The following EYS variants were observed in gnomAD, a reference collection of about 807,000 sequenced individuals.
The protein encoded by EYS is protein eyes shut homolog.
EYS carries 250 observed loss-of-function variants against 282.1 expected under a neutral mutation model. That is an observed-to-expected ratio of 0.89 (90% confidence interval 0.80 to 0.98). The LOEUF is 0.98. Ranked by LOEUF, EYS falls within the 50% of genes least tolerant of loss-of-function variation. The pLI is 0.00. For synonymous variants in EYS, 1,355 were observed against 1,282.9 expected, an observed-to-expected ratio of 1.06 and a Z score of -1.20; for missense variants, 4,016 against 3,709.0, an observed-to-expected ratio of 1.08 and a Z score of -2.15.
chr6:64,612,522 GTACTT>G (rs1179339280), intron 24 of EYS, among the ~76,000 whole-genome samples: 2 of 151,948 alleles, frequency 1.3e-5, no homozygotes, highest in Non-Finnish European at 2.9e-5. Flanking sequence ...AATGATGTAA[GTACTT>G]TAATCTTGTT....
chr6:64,766,645 A>C lies in EYS; in HGVS notation c.3443+46733T>G, dbSNP rs201916106. On this transcript the variant is annotated intron_variant, in intron 22 of 42. Coordinates refer to ENST00000503581, the MANE Select transcript of EYS (RefSeq NM_001142800.2). The stretch of plus-strand genomic sequence containing the variant: ...AAACTCCGTCTCAAAAAAAAAAAAA[A>C]AAAAATATATATATATATATATATA... Among the ~76,000 whole-genome samples the C allele has an allele frequency of 4.2e-3, 154 of 37,082 alleles. 11 individuals carry two copies. Among genetic ancestry groups the C allele is most frequent in the Middle Eastern group, 0.033 (1 of 30 alleles). 24.3% of individuals were successfully genotyped at this position (37,082 alleles called of 152,430 possible). A position where few individuals can be genotyped will look rare whatever the true frequency, so the allele number is the denominator to read the frequency against.
At chr6:65,510,046 G>C (rs939403623) in intron 2 of EYS, among the ~76,000 whole-genome samples, 2 of 149,974 alleles carry the variant, frequency 1.3e-5, no homozygotes, top group Non-Finnish European at 3.0e-5. Context: ...TATACTTTAA[G>C]TTTTAGGGTA....
intron 26 of EYS, among the ~76,000 whole-genome samples, chr6:64,537,253 C>T (rs541930512): frequency 1.8e-3 from 243 of 137,826 alleles, no homozygotes; most frequent in Middle Eastern, 3.8e-3. Context: ...TGAGAATATG[C>T]GGTGTTTGGT....
intron 12 of EYS, among the ~76,000 whole-genome samples, chr6:65,219,454 G>A (rs1766404360): frequency 6.6e-6 from 1 of 152,080 alleles, no homozygotes; most frequent in South Asian, 2.1e-4. Flanking sequence ...TGGAGTATTA[G>A]CAGCTGAAAA....
intron 31 of EYS, among the ~76,000 whole-genome samples, chr6:64,122,673 G>T (rs1308150237): frequency 1.3e-5 from 2 of 152,020 alleles, no homozygotes; most frequent in Non-Finnish European, 2.9e-5. Flanking sequence ...TTAAAAAAAT[G>T]AAATAATATT....
intron 35 of EYS, among the ~76,000 whole-genome samples, chr6:63,926,436 C>T (rs1221243162): frequency 6.6e-6 from 1 of 152,188 alleles, no homozygotes; most frequent in African/African-American, 2.4e-5. Flanking sequence ...CCACTTGGGA[C>T]TTTTACAGTG....
chr6:64,929,014 T>C (rs1225538845), intron 15 of EYS, among the ~76,000 whole-genome samples: 1 of 152,180 alleles, frequency 6.6e-6, no homozygotes, highest in African/African-American at 2.4e-5. Context: ...GGTTGAATTG[T>C]ATCTCCCCAA....
chr6:65,543,486 T>C (rs943784151), intron 2 of EYS, among the ~76,000 whole-genome samples: 1 of 148,010 alleles, frequency 6.8e-6, no homozygotes, highest in Non-Finnish European at 1.5e-5. Flanking sequence ...TGTATATATC[T>C]ATATATATAT....
chr6:64,785,586 A>G (rs942327428), intron 22 of EYS, among the ~76,000 whole-genome samples: 1 of 152,290 alleles, frequency 6.6e-6, no homozygotes, highest in Non-Finnish European at 1.5e-5. Flanking sequence ...ATCCAAAGAG[A>G]TTGTTCTTAG....
chr6:64,322,330 A>T (rs1770244830), intron 29 of EYS, among the ~76,000 whole-genome samples: 1 of 152,082 alleles, frequency 6.6e-6, no homozygotes, highest in South Asian at 2.1e-4. Flanking sequence ...GTGCAATATC[A>T]TGTTAGTAGA....
intron 22 of EYS, among the ~76,000 whole-genome samples, chr6:64,755,308 T>C (rs1039485056): frequency 1.3e-5 from 2 of 151,906 alleles, no homozygotes; most frequent in African/African-American, 4.8e-5. Context: ...CACAAGCAAA[T>C]TGAAAAATAC....
rs753207221 is a variant in EYS at position 64,590,480 on chromosome 6, A to T, written c.5387T>A (p.Val1796Asp). 69 of 1,551,322 alleles carry T rather than the reference A, an allele frequency of 4.4e-5. No homozygotes were observed. In the South Asian group the frequency reaches 8.0e-4, roughly 18 times the overall value. Reference protein sequence around the residue: ...EVTTNVAFYTVSATPALSIQT... With the variant: ...EVTTNVAFYTDSATPALSIQT... ...TATTGAAAGTGCTGGAGTTGCTGAA[A>T]CTGTATAAAATGCAACATTGGTGGT... Residue 1796 changes from valine to aspartate, a missense_variant, in exon 26 of 43, where the codon GTT becomes GAT. By Grantham distance (152) the Val-to-Asp change is radical. Coordinates refer to ENST00000503581, the MANE Select transcript of EYS (RefSeq NM_001142800.2).
At chr6:64,084,975 G>A (rs1772094041) in intron 31 of EYS, among the ~76,000 whole-genome samples, 1 of 151,994 alleles carries the variant, frequency 6.6e-6, no homozygotes, top group Non-Finnish European at 1.5e-5. Flanking sequence ...TGTATGTGGG[G>A]TATAGTTAAT....
chr6:64,904,250 C>G (rs899356274), intron 16 of EYS, among the ~76,000 whole-genome samples: 1 of 152,064 alleles, frequency 6.6e-6, no homozygotes, highest in Non-Finnish European at 1.5e-5. Context: ...TTTTAATTTG[C>G]CTTATTTTTC....
intron 33 of EYS, among the ~76,000 whole-genome samples, chr6:64,049,977 G>A (rs969121711): frequency 6.6e-6 from 1 of 152,130 alleles, no homozygotes; most frequent in Non-Finnish European, 1.5e-5. Flanking sequence ...CCAGGCAGAC[G>A]ATGAATTTGC....
chr6:65,073,701 A>G (rs139551459), intron 12 of EYS, among the ~76,000 whole-genome samples: 9 of 151,876 alleles, frequency 5.9e-5, no homozygotes, highest in African/African-American at 2.2e-4. Context: ...GTTGTCCCTT[A>G]TTTTATTGAG....
chr6:64,670,446 TGA>T (rs965506774), intron 22 of EYS, among the ~76,000 whole-genome samples: 4 of 131,640 alleles, frequency 3.0e-5, no homozygotes, highest in Admixed American at 2.2e-4. Context: ...AATAAATAAA[TGA>T]AAAAAAAACG....
chr6:63,887,947 G>C (rs1258833088), intron 35 of EYS, among the ~76,000 whole-genome samples: 2 of 152,184 alleles, frequency 1.3e-5, no homozygotes, highest in Admixed American at 6.5e-5. Context: ...TCGGATGCTA[G>C]AGCTTGGTGG....
At chr6:65,100,137 A>G (rs963565212) in intron 12 of EYS, among the ~76,000 whole-genome samples, 2 of 150,876 alleles carry the variant, frequency 1.3e-5, no homozygotes, top group Non-Finnish European at 3.0e-5. Flanking sequence ...AAGTAACCCT[A>G]TGACCTTTTG....
Sources: allele counts gnomAD v4.1 joint callset (sites outside exome capture counted in the v4.1 genomes callset), GRCh38; gene constraint gnomAD v4.1.1; transcripts MANE v1.5; gene names NCBI Gene and HGNC (gene_info 2026-07-23, HGNC 2026-07-21).